Variants in RELN observed in about 807,000 individuals in gnomAD.
RELN encodes the protein reelin.
In RELN, 108 loss-of-function variants were observed where a neutral mutation model predicts 427.6. That is an observed-to-expected ratio of 0.25 (90% confidence interval 0.22 to 0.30). The LOEUF (loss-of-function observed/expected upper bound fraction) is 0.30. Ranked by LOEUF, RELN falls within the 10% of genes least tolerant of loss-of-function variation. RELN has a pLI of 1.00. For synonymous variants in RELN, 1,524 were observed against 1,513.4 expected, an observed-to-expected ratio of 1.01 and a Z score of -0.16; for missense variants, 3,715 against 4,302.8, an observed-to-expected ratio of 0.86 and a Z score of 3.82.
chr7:103,594,519 T>C, intron 25 of RELN, 27 bp from the exon 26 acceptor site: 2 of 1,602,134 alleles, frequency 1.2e-6, no homozygotes, highest in Non-Finnish European at 8.5e-7. Context: ...CATTTACGGT[T>C]GGGAAAACAA....
chr7:103,712,842 T>C (rs1036576934), intron 8 of RELN, among the ~76,000 whole-genome samples: 2 of 152,234 alleles, frequency 1.3e-5, no homozygotes, highest in Non-Finnish European at 2.9e-5. Flanking sequence ...GATCAATCAA[T>C]TGGTGTTTAG....
intron 49 of RELN, among the ~76,000 whole-genome samples, chr7:103,517,379 A>C (rs1829592989): frequency 6.6e-6 from 1 of 152,076 alleles, no homozygotes. Flanking sequence ...TAAGTCTTTG[A>C]CCACATTTTA....
intron 6 of RELN, among the ~76,000 whole-genome samples, chr7:103,742,349 A>C (rs1446250443): frequency 6.6e-6 from 1 of 152,190 alleles, no homozygotes; most frequent in Non-Finnish European, 1.5e-5. Context: ...AACTCTAAAA[A>C]TCAGAGCGCC....
At chr7:103,819,094 G>A (rs754449055) in intron 3 of RELN, among the ~76,000 whole-genome samples, 13 of 152,064 alleles carry the variant, frequency 8.5e-5, no homozygotes, top group Non-Finnish European at 1.9e-4. Flanking sequence ...CAGTGTGACT[G>A]TGCGTCTCTG....
chr7:103,525,387 G>C (rs1385936098), intron 46 of RELN, among the ~76,000 whole-genome samples: 1 of 152,148 alleles, frequency 6.6e-6, no homozygotes, highest in African/African-American at 2.4e-5. Flanking sequence ...GAGCAGGGTT[G>C]ATTCCTTTTT....
chr7:103,974,122 A>G (rs1796822637), intron 1 of RELN, among the ~76,000 whole-genome samples: 1 of 152,122 alleles, frequency 6.6e-6, no homozygotes, highest in Non-Finnish European at 1.5e-5. Flanking sequence ...CAGCCTGGGC[A>G]AGAGAGCAAG....
rs751364639 is a variant in RELN at position 103,620,214 on chromosome 7, T to C, written c.2703-8411A>G. On this transcript the variant is annotated intron_variant, in intron 20 of 64. Transcript: ENST00000428762. This position sits in a 1 kb window ranked among gnomAD's most constrained non-coding sequence, Gnocchi z 4.1. ...TCTCATTTTGTCTCATCTGCTGCCA[T>C]GTAAGACGTGCCTTTTGCCTTCTGC... 1.9e-4 allele frequency among the ~76,000 whole-genome samples: 29 copies of C among 152,184 alleles called. No homozygotes were observed. The highest frequency in any genetic ancestry group is 3.7e-4 in the Non-Finnish European group (25 of 68,038).
At chr7:103,924,052 A>G (rs1331645706) in intron 1 of RELN, among the ~76,000 whole-genome samples, 1 of 152,174 alleles carries the variant, frequency 6.6e-6, no homozygotes, top group Non-Finnish European at 1.5e-5. Context: ...GCTCTAGGAC[A>G]TGGAGGTCAT....
At chr7:103,840,404 G>T (rs1487722901) in intron 2 of RELN, among the ~76,000 whole-genome samples, 1 of 152,176 alleles carries the variant, frequency 6.6e-6, no homozygotes, top group Non-Finnish European at 1.5e-5. Context: ...CCTCAGTTCT[G>T]TTACACACTA....
At chr7:103,926,769 C>A (rs777206204) in intron 1 of RELN, among the ~76,000 whole-genome samples, 1 of 151,602 alleles carries the variant, frequency 6.6e-6, no homozygotes, top group African/African-American at 2.4e-5. Context: ...CTCAGCCTCC[C>A]GAGTAGCTCG....
chr7:103,759,849 G>C (rs946908398), intron 4 of RELN, among the ~76,000 whole-genome samples: 2 of 151,938 alleles, frequency 1.3e-5, no homozygotes, highest in African/African-American at 4.8e-5. Context: ...TTATCCTTAC[G>C]ACAGTTTCTC....
Position 103,610,802 on chromosome 7 carries a change from G to A in RELN, c.2901C>T (p.Cys967=). The change falls in exon 22 of 65, where the codon TGC becomes TGT. Residue 967 remains cysteine (C), a synonymous_variant. Coordinates refer to ENST00000428762, the MANE Select transcript of RELN (RefSeq NM_005045.4). ...CCTGACAACTTGGCATACTTGGAAG[G>A]CATTCCTGAAAGAAAGTTAGGCACA... ...GLTWHLVQEE[C]LPSMPSCQEF... 1 of 1,590,462 alleles carries A rather than the reference G, an allele frequency of 6.3e-7. No homozygotes were observed.
intron 46 of RELN, among the ~76,000 whole-genome samples, chr7:103,531,848 G>T (rs533201002): frequency 3.1e-4 from 47 of 152,304 alleles, no homozygotes; most frequent in African/African-American, 1.1e-3. Context: ...CCTGTTGGTG[G>T]GAGTGTAAAT....
At chr7:103,945,228 A>G (rs1003256269) in intron 1 of RELN, among the ~76,000 whole-genome samples, 1 of 152,126 alleles carries the variant, frequency 6.6e-6, no homozygotes, top group African/African-American at 2.4e-5. Context: ...CCAATTTGAC[A>G]AAATTGACAA....
At chr7:103,488,981 A>G (rs1246297358) in intron 60 of RELN, among the ~76,000 whole-genome samples, 1 of 152,222 alleles carries the variant, frequency 6.6e-6, no homozygotes, top group Non-Finnish European at 1.5e-5. Context: ...TTAAGCTATG[A>G]GGATATAGAA....
chr7:103,960,562 C>G (rs961861326), intron 1 of RELN, among the ~76,000 whole-genome samples: 2 of 152,128 alleles, frequency 1.3e-5, no homozygotes, highest in Admixed American at 6.5e-5. Context: ...CAGAAAATAT[C>G]TGGCATATTT....
At chr7:103,786,151 G>A (rs750231236) in intron 3 of RELN, among the ~76,000 whole-genome samples, 13 of 151,736 alleles carry the variant, frequency 8.6e-5, no homozygotes, top group African/African-American at 1.2e-4. Flanking sequence ...CTTTTTTTCC[G>A]TTATAAAGGT....
chr7:103,678,463 A>C (rs1833585531), intron 11 of RELN, among the ~76,000 whole-genome samples: 1 of 152,254 alleles, frequency 6.6e-6, no homozygotes. Context: ...TTAAAAAAAT[A>C]AACCTATCAA....
rs563678844 is a variant in RELN, at chr7:103,985,436, C to A, written c.226+3695G>T. ...AAAGCTCAAGTATTTTGGGTAGACT[C>A]ATTTACTTAACGCTTGTCTTTCATG... is the stretch of plus-strand genomic sequence containing the variant. On this transcript the variant is annotated intron_variant, in intron 1 of 64. Coordinates refer to ENST00000428762, the MANE Select transcript of RELN (RefSeq NM_005045.4). Among the ~76,000 whole-genome samples, 8 of 152,286 alleles carry A rather than the reference C, an allele frequency of 5.3e-5. No individual in the cohort carries two copies. In the South Asian group the frequency reaches 1.5e-3, roughly 28 times the overall value.
Sources: gnomAD v4.1 joint callset for allele counts (sites outside exome capture counted in the v4.1 genomes callset) on GRCh38, gnomAD v4.1.1 for gene constraint, Gnocchi (gnomAD v3.1) non-coding constraint, MANE v1.5 for transcripts, NCBI Gene and HGNC (gene_info 2026-07-23, HGNC 2026-07-21) for gene names.